The following CPNE4 variants were observed in gnomAD, a reference collection of about 807,000 sequenced individuals.
CPNE4 encodes copine 4, also known as copine-4.
In CPNE4, 25 loss-of-function variants were observed where a neutral mutation model predicts 67.9. That is an observed-to-expected ratio of 0.37 (90% CI 0.27 to 0.51). CPNE4 has a LOEUF of 0.51. Among genes scored for constraint, CPNE4 ranks in the 20% least tolerant of loss-of-function variants. CPNE4 has a pLI of 0.93. For synonymous variants in CPNE4, 242 were observed against 244.9 expected, an observed-to-expected ratio of 0.99 and a Z score of 0.11; for missense variants, 464 against 690.8, an observed-to-expected ratio of 0.67 and a Z score of 3.68.
At chr3:131,633,117 G>A (rs1185000533) in intron 7 of CPNE4, among the ~76,000 whole-genome samples, 1 of 152,116 alleles carries the variant, frequency 6.6e-6, no homozygotes, top group Non-Finnish European at 1.5e-5. Flanking sequence ...TCTCTCTCCT[G>A]CACTCCACAT....
At chr3:131,738,166 T>C (rs1310472618) in intron 2 of CPNE4, among the ~76,000 whole-genome samples, 1 of 152,256 alleles carries the variant, frequency 6.6e-6, no homozygotes, top group Non-Finnish European at 1.5e-5. Flanking sequence ...CCACACTCTG[T>C]GGTGCCTTGT....
At chr3:131,941,024 T>G (rs1341073409) in intron 1 of CPNE4, among the ~76,000 whole-genome samples, 1 of 152,088 alleles carries the variant, frequency 6.6e-6, no homozygotes, top group East Asian at 1.9e-4. Context: ...AATGAAGATT[T>G]ACTTAAGACC....
intron 2 of CPNE4, among the ~76,000 whole-genome samples, chr3:131,732,043 G>A (rs7610027): frequency 0.13 from 20,095 of 152,122 alleles, 1,415 homozygotes; most frequent in Middle Eastern, 0.2. Flanking sequence ...CAGTTAAGTT[G>A]TAGAACCAAT....
intron 6 of CPNE4, among the ~76,000 whole-genome samples, chr3:131,681,494 A>C (rs2080754712): frequency 6.6e-6 from 1 of 152,174 alleles, no homozygotes; most frequent in African/African-American, 2.4e-5. Flanking sequence ...ATTCTGCGTC[A>C]GATGTATTAG....
chr3:131,831,884 A>G (rs985500210), intron 2 of CPNE4, among the ~76,000 whole-genome samples: 2 of 152,200 alleles, frequency 1.3e-5, no homozygotes, highest in Non-Finnish European at 2.9e-5. Context: ...TCTTTCATCC[A>G]TAAAATAGAG....
rs115261546 is a variant in CPNE4 at position 131,776,704 on chromosome 3, C to T, written c.181-53079G>A. 6.6e-3 allele frequency among the ~76,000 whole-genome samples: 1,010 copies of T among 152,196 alleles called. 13 individuals carry two copies. Among genetic ancestry groups the T allele is most frequent in the African/African-American group, 0.023 (943 of 41,550 alleles). On this transcript the variant is annotated intron_variant, in intron 2 of 15. Transcript: ENST00000429747. ...CATCTCCAAAACCAGTATTTTCCCC[C>T]AAACCATCAAAAATGGGGCTGCCTC...
chr3:131,726,766 C>T (rs370960136), intron 2 of CPNE4, among the ~76,000 whole-genome samples: 1 of 151,872 alleles, frequency 6.6e-6, no homozygotes. Flanking sequence ...TGTTTCCTAA[C>T]CCCAGGTCAT....
chr3:131,831,611 A>C (rs1378681003), intron 2 of CPNE4, among the ~76,000 whole-genome samples: 2 of 152,212 alleles, frequency 1.3e-5, no homozygotes, highest in Non-Finnish European at 2.9e-5. Flanking sequence ...CAAAAATGTT[A>C]AAAGATACAG....
chr3:131,621,781 C>T (rs1378818337), intron 7 of CPNE4, among the ~76,000 whole-genome samples: 1 of 151,508 alleles, frequency 6.6e-6, no homozygotes, highest in Non-Finnish European at 1.5e-5. Context: ...CCAAGGTGGG[C>T]AGATTGCTTG....
intron 2 of CPNE4, among the ~76,000 whole-genome samples, chr3:131,864,254 T>C (rs987948889): frequency 2.0e-5 from 3 of 151,542 alleles, no homozygotes; most frequent in African/African-American, 7.2e-5. Context: ...AAGTCATTGG[T>C]AGCTTGATGG....
chr3:131,867,002 T>G (rs996341700), intron 2 of CPNE4, among the ~76,000 whole-genome samples: 4 of 152,138 alleles, frequency 2.6e-5, no homozygotes, highest in African/African-American at 9.7e-5. Context: ...AGACACCACC[T>G]GGCATTAAAA....
chr3:131,815,067 A>G (rs1018030303), intron 2 of CPNE4, among the ~76,000 whole-genome samples: 2 of 152,212 alleles, frequency 1.3e-5, no homozygotes, highest in Non-Finnish European at 2.9e-5. Flanking sequence ...AAATACGTAT[A>G]GTTTAGCTGG....
Position 131,853,953 on chromosome 3 carries a change from T to C in CPNE4, c.180+51311A>G, listed in dbSNP as rs146943881. 8.7e-4 allele frequency among the ~76,000 whole-genome samples: 133 copies of C among 152,004 alleles called. No individual in the cohort carries two copies. In the East Asian group the frequency reaches 0.025, roughly 28 times the overall value. ...CACTTTTGCAGGGAGTGTCAAATAG[T>C]ATAACCACTTTAAAAGACTGGAGTT... is the stretch of plus-strand genomic sequence containing the variant. On this transcript the variant is annotated intron_variant, in intron 2 of 15. Transcript: ENST00000429747.
At chr3:131,879,245 A>G (rs2087574985) in intron 2 of CPNE4, among the ~76,000 whole-genome samples, 1 of 152,228 alleles carries the variant, frequency 6.6e-6, no homozygotes, top group African/African-American at 2.4e-5. Flanking sequence ...TGAAATGAGC[A>G]TGGAACTCTA....
rs1583627822 is a variant in CPNE4, at chr3:132,034,875, T to TA, written c.-311dup. 2.0e-6 allele frequency: 2 copies of TA among 981,830 alleles called. No homozygotes were observed. Among genetic ancestry groups the TA allele is most frequent in the Non-Finnish European group, 2.4e-6 (2 of 829,028 alleles). 60.8% of individuals were successfully genotyped at this position (981,830 alleles called of 1,614,324 possible). On this transcript the variant is annotated 5_prime_UTR_variant, in exon 1 of 16. Transcript: ENST00000429747. ...GTCGGCTCTCAGTTAACTCGGAGAG[T>TA]AAAGAGGAGGGTACTGAGAAAAGAG... is the stretch of plus-strand genomic sequence containing the variant.
At chr3:131,932,930 A>T (rs989319721) in intron 1 of CPNE4, among the ~76,000 whole-genome samples, 2 of 152,174 alleles carry the variant, frequency 1.3e-5, no homozygotes, top group Admixed American at 1.3e-4. Flanking sequence ...CTGAGCCAGA[A>T]GGATCGCTTG....
At chr3:131,541,796 G>C (rs935961459) in intron 15 of CPNE4, among the ~76,000 whole-genome samples, 4 of 151,830 alleles carry the variant, frequency 2.6e-5, no homozygotes, top group African/African-American at 9.7e-5. Context: ...TCAGCCTCCC[G>C]AGTAGCTGGG....
At chr3:131,718,759 G>A (rs1381096500) in intron 3 of CPNE4, among the ~76,000 whole-genome samples, 1 of 152,176 alleles carries the variant, frequency 6.6e-6, no homozygotes, top group Admixed American at 6.5e-5. Flanking sequence ...CTTTTCTGAG[G>A]CAGGGCCTCT....
chr3:131,554,835 C>A (rs542533301), intron 12 of CPNE4, among the ~76,000 whole-genome samples: 6 of 151,976 alleles, frequency 3.9e-5, no homozygotes, highest in South Asian at 4.2e-4. Context: ...CCCTGTCCAC[C>A]TAGTGGGCAC....
Sources: gnomAD v4.1 joint callset for allele counts (sites outside exome capture counted in the v4.1 genomes callset) on GRCh38, gnomAD v4.1.1 for gene constraint, MANE v1.5 for transcripts, NCBI Gene and HGNC (gene_info 2026-07-23, HGNC 2026-07-21) for gene names.